Variants in NFE2L3 observed in about 807,000 individuals in gnomAD.
NFE2L3 encodes the protein nuclear factor erythroid 2-related factor 3.
A neutral mutation model predicts 23.5 loss-of-function variants in NFE2L3; 18 were observed. The observed-to-expected ratio is 0.77, with a 90% CI of 0.53 to 1.13. NFE2L3 has a LOEUF of 1.13. Among genes scored for constraint, NFE2L3 ranks in the 50% most tolerant of loss-of-function variants. NFE2L3 has a pLI of 0.00. For missense variants in NFE2L3, 1,152 were observed against 877.2 expected, an observed-to-expected ratio of 1.31 and a Z score of -3.96; for synonymous variants, 424 against 354.5, an observed-to-expected ratio of 1.20 and a Z score of -2.20.
In NFE2L3 at chr7:26,152,754, C is replaced by A; in HGVS notation, c.256C>A (p.Pro86Thr). 1 of 1,473,422 alleles carries A rather than the reference C, an allele frequency of 6.8e-7. No individual in the cohort carries two copies. The highest frequency in any genetic ancestry group is 1.3e-5 in the South Asian group (1 of 76,626). The allele number at this position is 1,473,422 out of a possible 1,614,324, so 91.3% of individuals were successfully genotyped here. Reference sequence around the variant, plus strand: ...GGGCCGGGAGCTGGACCCTGCCGCGCCGCCCGAGGGCCAGCTGCTCCGGGA... The same window carrying A: ...GGGCCGGGAGCTGGACCCTGCCGCGACGCCCGAGGGCCAGCTGCTCCGGGA... ...PKGRELDPAA[P>T]PEGQLLREVR... The change falls in exon 1 of 4, where the codon CCG (proline) becomes ACG (threonine). Residue 86 changes from proline to threonine, a missense_variant. Physicochemically the swap from Pro to Thr is conservative, Grantham distance 38. Transcript: ENST00000056233. This position sits in a 1 kb window ranked among gnomAD's most constrained non-coding sequence, Gnocchi z 4.4.
chr7:26,158,940 G>GAT (rs939584440), intron 1 of NFE2L3, among the ~76,000 whole-genome samples: 24 of 152,356 alleles, frequency 1.6e-4, no homozygotes, highest in African/African-American at 5.1e-4. Flanking sequence ...GATTGAATGA[G>GAT]ATAGTGCAAG....
intron 1 of NFE2L3, among the ~76,000 whole-genome samples, chr7:26,165,918 A>T (rs879910469): frequency 5.3e-5 from 8 of 152,126 alleles, no homozygotes; most frequent in Non-Finnish European, 1.0e-4. Flanking sequence ...ATATCTAGTC[A>T]CTGTTCAAAT....
chr7:26,185,634 T>G lies in NFE2L3; in HGVS notation c.1936T>G (p.Phe646Val), dbSNP rs551577266. The G allele has an allele frequency of 6.2e-7, 1 of 1,613,922 alleles. No homozygotes were observed. Among genetic ancestry groups the G allele is most frequent in the East Asian group, 2.2e-5 (1 of 44,880 alleles). ...QKLHDLYHDI[F>V]SRLRDDQGRP... ...ACTGCATGACCTTTATCATGATATTTTTAGTAGATTAAGAGATGACCAAGG... is the reference window on the plus strand; with the variant it reads ...ACTGCATGACCTTTATCATGATATTGTTAGTAGATTAAGAGATGACCAAGG... Residue 646 changes from phenylalanine (F) to valine (V), a missense_variant, in exon 4 of 4, where the codon TTT becomes GTT. Transcript: ENST00000056233.
At chr7:26,157,117 A>G (rs1784093619) in intron 1 of NFE2L3, among the ~76,000 whole-genome samples, 1 of 151,496 alleles carries the variant, frequency 6.6e-6, no homozygotes, top group African/African-American at 2.4e-5. Flanking sequence ...ATCTCAAAAG[A>G]AAAAAAAAGA....
intron 1 of NFE2L3, among the ~76,000 whole-genome samples, chr7:26,155,974 C>T (rs10270359): frequency 0.41 from 62,919 of 151,948 alleles, 13,324 homozygotes; most frequent in East Asian, 0.62. Context: ...CCGTCCTTAA[C>T]CCACCCTCCT....
intron 1 of NFE2L3, among the ~76,000 whole-genome samples, chr7:26,164,462 G>T (rs528531223): frequency 3.3e-4 from 51 of 152,324 alleles, no homozygotes; most frequent in Middle Eastern, 6.8e-3. Context: ...CTTCTTTTAA[G>T]AAGTGTCTGT....
chr7:26,182,459 A>G (rs1784534780), intron 2 of NFE2L3, among the ~76,000 whole-genome samples: 1 of 145,262 alleles, frequency 6.9e-6, no homozygotes, highest in Non-Finnish European at 1.5e-5. Flanking sequence ...CGCCAGCTCT[A>G]CTAAAAATAT....
intron 1 of NFE2L3, among the ~76,000 whole-genome samples, chr7:26,177,294 T>A (rs1418446739): frequency 6.6e-6 from 1 of 152,158 alleles, no homozygotes; most frequent in African/African-American, 2.4e-5. Flanking sequence ...GCCACTGCAC[T>A]CCAGCCTGGG....
intron 1 of NFE2L3, among the ~76,000 whole-genome samples, chr7:26,156,974 C>T (rs771289486): frequency 2.0e-5 from 3 of 151,964 alleles, no homozygotes; most frequent in East Asian, 1.9e-4. Context: ...TAGCCGGGCA[C>T]GGTGGCACGT....
chr7:26,177,992 A>G lies in NFE2L3; in HGVS notation c.620A>G (p.Gln207Arg). ...CACGAAGCTGTGGATCATAGTTCCCAGCATGAGGAAAATGAAGAAAGGGTG... is the reference window on the plus strand; with the variant it reads ...CACGAAGCTGTGGATCATAGTTCCCGGCATGAGGAAAATGAAGAAAGGGTG... ...EKHEAVDHSS[Q>R]HEENEERVSA... Residue 207 changes from glutamine (Q) to arginine (R), a missense_variant, in exon 2 of 4, where the codon CAG (glutamine) becomes CGG (arginine). Physicochemically the swap from Gln to Arg is conservative, Grantham distance 43 (BLOSUM62 1). Coordinates refer to ENST00000056233, the MANE Select transcript of NFE2L3 (RefSeq NM_004289.7). 1 of 1,614,172 alleles carries G rather than the reference A, an allele frequency of 6.2e-7. No homozygotes were observed. The highest frequency in any genetic ancestry group is 8.5e-7 in the Non-Finnish European group (1 of 1,180,008).
chr7:26,169,063 C>G (rs755900445), intron 1 of NFE2L3, among the ~76,000 whole-genome samples: 5 of 152,174 alleles, frequency 3.3e-5, no homozygotes, highest in South Asian at 4.1e-4. Context: ...TTATATTACA[C>G]TTGATTCTAG....
chr7:26,181,133 G>A (rs1406754993), intron 2 of NFE2L3, among the ~76,000 whole-genome samples: 1 of 151,956 alleles, frequency 6.6e-6, no homozygotes, highest in Admixed American at 6.6e-5. Context: ...ACACCACCAT[G>A]CCCAGCTAAT....
chr7:26,171,659 C>T (rs1039216536), intron 1 of NFE2L3, among the ~76,000 whole-genome samples: 1 of 152,008 alleles, frequency 6.6e-6, no homozygotes, highest in Non-Finnish European at 1.5e-5. Flanking sequence ...TTTCACATAG[C>T]TAGCTAGCTC....
Position 26,186,759 on chromosome 7 carries a change from T to A in NFE2L3, c.*976T>A, listed in dbSNP as rs1782497397. 6.6e-6 allele frequency: 1 copy of A among 151,482 alleles called. No homozygotes were observed. The highest frequency in any genetic ancestry group is 6.6e-5 in the Admixed American group (1 of 15,196). The allele number at this position is 151,482 out of a possible 1,614,324, so 9.4% of individuals were successfully genotyped here. On this transcript the variant is annotated 3_prime_UTR_variant, in exon 4 of 4. Transcript: ENST00000056233. ...CAACAGTGAAACCATCTGTTTAAAA[T>A]GGGCAAAAGCGATTAAGGGAAAAAA... is the stretch of plus-strand genomic sequence containing the variant.
At chr7:26,157,091 G>A (rs1236444861) in intron 1 of NFE2L3, among the ~76,000 whole-genome samples, 1 of 151,916 alleles carries the variant, frequency 6.6e-6, no homozygotes, top group African/African-American at 2.4e-5. Context: ...CAGCCTGGGT[G>A]ACAAAGCGAG....
At chr7:26,173,908 A>G (rs893986757) in intron 1 of NFE2L3, 1 of 152,224 alleles carries the variant, frequency 6.6e-6, no homozygotes, top group Non-Finnish European at 1.5e-5. Context: ...CTGGTGCTAA[A>G]TGCTATGGAG....
At position 26,186,006 on chromosome 7, in the gene NFE2L3, TG is replaced by T. The variant is rs1782476707; in HGVS notation, c.*224del. ...AGCCACAACTTTTCATGAAGTGCAT[TG>T]TATACAAAATTCATAGTTATGTCCA... On this transcript the variant is annotated 3_prime_UTR_variant, in exon 4 of 4. Transcript: ENST00000056233. 1 of 423,454 alleles carries T rather than the reference TG, an allele frequency of 2.4e-6. No individual in the cohort carries two copies. Among genetic ancestry groups the T allele is most frequent in the African/African-American group, 2.0e-5 (1 of 49,124 alleles). The allele number at this position is 423,454 out of a possible 1,614,324, so 26.2% of individuals were successfully genotyped here.
Position 26,185,849 on chromosome 7 carries a change from G to T in NFE2L3, c.*66G>T, listed in dbSNP as rs774333926. Reference sequence around the variant, plus strand: ...GTTCAGAAACTGATTATTTGGATCAGAAACCATTGAAACTGCTTCAAGAAT... The same window carrying T: ...GTTCAGAAACTGATTATTTGGATCATAAACCATTGAAACTGCTTCAAGAAT... On this transcript the variant is annotated 3_prime_UTR_variant, in exon 4 of 4. Transcript: ENST00000056233. 17 of 1,234,128 alleles carry T rather than the reference G, an allele frequency of 1.4e-5. No individual in the cohort carries two copies. The highest frequency in any genetic ancestry group is 1.9e-5 in the Non-Finnish European group (17 of 897,494). The allele number at this position is 1,234,128 out of a possible 1,614,324, so 76.4% of individuals were successfully genotyped here.
In NFE2L3 at chr7:26,180,625, AATTGT is replaced by A. The variant is rs1784490539; in HGVS notation, c.750+2506_750+2510del. On this transcript the variant is annotated intron_variant, in intron 2 of 3. Transcript: ENST00000056233. Reference sequence around the variant, plus strand: ...CTAGTCTTTCACTTATTTAACACTGAATTGTATATTGCCTTTCTCCCAGGTATGTC... The same window carrying A: ...CTAGTCTTTCACTTATTTAACACTGAATATTGCCTTTCTCCCAGGTATGTC... 3.3e-5 allele frequency among the ~76,000 whole-genome samples: 5 copies of A among 152,178 alleles called. 1 individual carries two copies. In the South Asian group the frequency reaches 1.0e-3, roughly 31 times the overall value.
Sources: gnomAD v4.1 joint callset for allele counts (sites outside exome capture counted in the v4.1 genomes callset) on GRCh38, gnomAD v4.1.1 for gene constraint, Gnocchi (gnomAD v3.1) non-coding constraint, MANE v1.5 for transcripts, NCBI Gene and HGNC (gene_info 2026-07-23, HGNC 2026-07-21) for gene names.